Variants in RBFOX1 observed in about 807,000 individuals in gnomAD.
RBFOX1 encodes RNA binding protein fox-1 homolog 1.
Under a neutral mutation model 57.7 loss-of-function variants are expected in RBFOX1, and 8 were observed. The observed-to-expected ratio is 0.14, with a 90% CI of 0.08 to 0.25. The LOEUF is 0.25. Ranked by LOEUF, RBFOX1 falls within the 10% of genes least tolerant of loss-of-function variation. The probability of loss-of-function intolerance (pLI) is 1.00; values close to 1 mark genes in which losing one functional copy is unlikely to be tolerated. For missense variants in RBFOX1, 611 were observed against 548.5 expected, an observed-to-expected ratio of 1.11 and a Z score of -1.14; for synonymous variants, 326 against 222.4, an observed-to-expected ratio of 1.47 and a Z score of -4.15.
At chr16:7,703,420 T>C (rs968262015) in intron 14 of RBFOX1, among the ~76,000 whole-genome samples, 1 of 152,124 alleles carries the variant, frequency 6.6e-6, no homozygotes, top group African/African-American at 2.4e-5. Flanking sequence ...ATTTCACTCA[T>C]CTTTCTGCTC....
At chr16:6,897,542 C>A (rs553188914) in intron 3 of RBFOX1, among the ~76,000 whole-genome samples, 1 of 152,318 alleles carries the variant, frequency 6.6e-6, no homozygotes, top group South Asian at 2.1e-4. Context: ...GCCTGTAATC[C>A]CAACACTTTG....
At chr16:7,288,156 C>T (rs1312006119) in intron 4 of RBFOX1, among the ~76,000 whole-genome samples, 2 of 152,154 alleles carry the variant, frequency 1.3e-5, no homozygotes, top group African/African-American at 2.4e-5. Flanking sequence ...TTAAGATACC[C>T]ACAAGCACCC....
intron 4 of RBFOX1, among the ~76,000 whole-genome samples, chr16:7,302,504 G>C (rs1336052520): frequency 6.6e-6 from 1 of 151,930 alleles, no homozygotes; most frequent in East Asian, 1.9e-4. Context: ...TTTTGTGAGA[G>C]AGCCCCCATC....
At chr16:5,809,756 A>G (rs1281102238) in intron 3 of RBFOX1, among the ~76,000 whole-genome samples, 5 of 152,200 alleles carry the variant, frequency 3.3e-5, no homozygotes, top group African/African-American at 1.2e-4. Flanking sequence ...CCATTGTGGA[A>G]GTCAGTGTGG....
At position 6,215,767 on chromosome 16, in the gene RBFOX1, C is replaced by A. The variant is rs1365595927; in HGVS notation, c.-126-101228C>A. On this transcript the variant is annotated intron_variant, in intron 1 of 15. Transcript: ENST00000550418. ...ACACAGCTCTTCGAAAGCAAGTATT[C>A]TGTGGTATTTAACCCAGCCTGTTTT... is the stretch of plus-strand genomic sequence containing the variant. Among the ~76,000 whole-genome samples, 3 of 152,086 alleles carry A rather than the reference C, an allele frequency of 2.0e-5. No individual in the cohort carries two copies. The East Asian group carries it at 5.8e-4, about 29-fold the overall frequency.
At position 6,095,694 on chromosome 16, in the gene RBFOX1, C is replaced by T. The variant is rs551505094; in HGVS notation, c.-127+75702C>T. On this transcript the variant is annotated intron_variant, in intron 1 of 15. Coordinates refer to ENST00000550418, the MANE Select transcript of RBFOX1 (RefSeq NM_018723.4). Reference sequence around the variant, plus strand: ...AGTTCTTCTTCCATTCTCTCTTCTGCGATGGAAAGAAAAAGAAAAAAAAAA... The same window carrying T: ...AGTTCTTCTTCCATTCTCTCTTCTGTGATGGAAAGAAAAAGAAAAAAAAAA... 3.3e-4 allele frequency among the ~76,000 whole-genome samples: 49 copies of T among 149,214 alleles called. No individual in the cohort carries two copies. In the South Asian group the frequency reaches 9.9e-3, roughly 30 times the overall value.
chr16:6,312,476 A>C (rs1448738456), intron 1 of RBFOX1, among the ~76,000 whole-genome samples: 1 of 152,140 alleles, frequency 6.6e-6, no homozygotes, highest in Non-Finnish European at 1.5e-5. Context: ...AATTGAACCT[A>C]GATAGGGTGA....
At chr16:6,932,214 C>T (rs2076675754) in intron 3 of RBFOX1, among the ~76,000 whole-genome samples, 1 of 152,162 alleles carries the variant, frequency 6.6e-6, no homozygotes, top group African/African-American at 2.4e-5. Flanking sequence ...AGTGATTTCC[C>T]TGCCTCGGCC....
chr16:7,132,644 C>T (rs892574204), intron 4 of RBFOX1, among the ~76,000 whole-genome samples: 1 of 151,602 alleles, frequency 6.6e-6, no homozygotes, highest in South Asian at 2.1e-4. Context: ...GAATAGTATT[C>T]AGCCCTGAAA....
intron 4 of RBFOX1, among the ~76,000 whole-genome samples, chr16:7,387,822 A>T (rs868609085): frequency 6.6e-6 from 1 of 152,036 alleles, no homozygotes; most frequent in Non-Finnish European, 1.5e-5. Flanking sequence ...GGGCTTCGCC[A>T]TCAGTTTAAA....
At chr16:6,825,647 T>C (rs2092024528) in intron 3 of RBFOX1, among the ~76,000 whole-genome samples, 1 of 152,126 alleles carries the variant, frequency 6.6e-6, no homozygotes, top group South Asian at 2.1e-4. Flanking sequence ...TATTCACCGC[T>C]TCACTGCAGA....
chr16:5,432,559 G>GTTTTTTTTTTTTTTTGT (rs2067781309), intron 1 of RBFOX1, among the ~76,000 whole-genome samples: 1 of 94,222 alleles, frequency 1.1e-5, no homozygotes, highest in Non-Finnish European at 2.0e-5. Flanking sequence ...TTGTTTGTTT[G>GTTTTTTTTTTTTTTTGT]TTTTTTTTTT....
chr16:7,479,116 T>TG (rs1491177121), intron 4 of RBFOX1, among the ~76,000 whole-genome samples: 2 of 3,964 alleles, frequency 5.0e-4, no homozygotes, highest in Non-Finnish European at 0.017. Flanking sequence ...CCCAGTTTTG[T>TG]TTTTTTTTTT....
chr16:7,022,212 C>G (rs1185039203), intron 3 of RBFOX1, among the ~76,000 whole-genome samples: 3 of 150,292 alleles, frequency 2.0e-5, no homozygotes, highest in Non-Finnish European at 1.5e-5. Context: ...TACAGACACA[C>G]CCCTAATTTT....
chr16:6,918,981 T>TTTTG (rs902041757), intron 3 of RBFOX1, among the ~76,000 whole-genome samples: 24 of 152,084 alleles, frequency 1.6e-4, no homozygotes, highest in African/African-American at 5.5e-4. Context: ...AGCTAATGAT[T>TTTTG]TTTGTTTGTT....
chr16:6,382,813 T>G (rs1477350213), intron 2 of RBFOX1, among the ~76,000 whole-genome samples: 1 of 152,100 alleles, frequency 6.6e-6, no homozygotes, highest in African/African-American at 2.4e-5. Context: ...TGAGCCGAGA[T>G]CATGTCGCTG....
intron 1 of RBFOX1, among the ~76,000 whole-genome samples, chr16:6,259,418 G>T (rs543351511): frequency 3.0e-4 from 46 of 152,130 alleles, no homozygotes; most frequent in Non-Finnish European, 4.6e-4. Context: ...TTCTTGGTCA[G>T]TGGAGACAGA....
intron 3 of RBFOX1, among the ~76,000 whole-genome samples, chr16:5,805,942 A>T (rs571338268): frequency 2.0e-5 from 3 of 152,176 alleles, no homozygotes; most frequent in African/African-American, 7.2e-5. Context: ...CAAATGGAGA[A>T]ATCTGTCCTG....
At chr16:7,089,126 C>T (rs2060428304) in intron 4 of RBFOX1, among the ~76,000 whole-genome samples, 1 of 152,170 alleles carries the variant, frequency 6.6e-6, no homozygotes, top group Non-Finnish European at 1.5e-5. Context: ...GACTTTAGCT[C>T]CATTTCCACC....
Sources: allele counts gnomAD v4.1 joint callset (sites outside exome capture counted in the v4.1 genomes callset), GRCh38; gene constraint gnomAD v4.1.1; transcripts MANE v1.5; gene names NCBI Gene and HGNC (gene_info 2026-07-23, HGNC 2026-07-21).